Variants in DIAPH2 observed in about 807,000 individuals in gnomAD.
DIAPH2 encodes the protein protein diaphanous homolog 2.
DIAPH2 carries 35 observed loss-of-function variants against 92.7 expected under a neutral mutation model. The ratio of observed to expected loss-of-function variants is 0.38; its 90% CI spans 0.29 to 0.50. DIAPH2 has a LOEUF of 0.50. DIAPH2 is among the 20% of genes least tolerant of loss of function. The probability of loss-of-function intolerance (pLI) is 0.94; values close to 1 mark genes in which losing one functional copy is unlikely to be tolerated. For synonymous variants in DIAPH2, 301 were observed against 280.4 expected, an observed-to-expected ratio of 1.07 and a Z score of -0.73; for missense variants, 701 against 819.5, an observed-to-expected ratio of 0.86 and a Z score of 1.77.
intron 1 of DIAPH2, among the ~76,000 whole-genome samples, chrX:96,717,820 A>G (rs1157760993): frequency 3.6e-4 from 5 of 14,075 alleles, no homozygotes; most frequent in East Asian, 5.6e-3. Flanking sequence ...TATATAGTAT[A>G]TATATATATA....
chrX:97,181,434 G>A (rs2067538650), intron 22 of DIAPH2, among the ~76,000 whole-genome samples: 2 of 110,936 alleles, frequency 1.8e-5, no homozygotes, highest in Admixed American at 9.6e-5. Flanking sequence ...TCTTTGAGAC[G>A]GAGTTTTGCT....
At chrX:97,419,995 G>A (rs2069991286) in intron 25 of DIAPH2, among the ~76,000 whole-genome samples, 2 of 111,033 alleles carry the variant, frequency 1.8e-5, no homozygotes, top group Non-Finnish European at 3.8e-5. Flanking sequence ...TTAAAATATC[G>A]AATGTGAGAT....
Position 97,577,782 on chromosome X carries a change from T to G in DIAPH2, c.3242-21471T>G, listed in dbSNP as rs764804376. On this transcript the variant is annotated intron_variant, in intron 26 of 26. Transcript: ENST00000324765. The stretch of plus-strand genomic sequence containing the variant: ...ACAATTTTTAAAAACCCAGAAAATA[T>G]GTACTCCATGAATCTCTCCTGTACT... Among the ~76,000 whole-genome samples, 14 of 112,001 alleles carry G rather than the reference T, an allele frequency of 1.2e-4. No homozygotes were observed. In the South Asian group the frequency reaches 4.1e-3, roughly 33 times the overall value.
intron 26 of DIAPH2, among the ~76,000 whole-genome samples, chrX:97,573,389 G>A (rs1206791900): frequency 9.0e-6 from 1 of 111,017 alleles, no homozygotes; most frequent in Non-Finnish European, 1.9e-5. Flanking sequence ...ATGTATGTTG[G>A]TGCCCTATCC....
At chrX:97,072,086 G>A (rs1475009194) in intron 17 of DIAPH2, among the ~76,000 whole-genome samples, 1 of 111,558 alleles carries the variant, frequency 9.0e-6, no homozygotes, top group South Asian at 3.8e-4. Context: ...TGAGTACAAT[G>A]GTAGCTGTAA....
At chrX:97,540,036 C>G (rs945888722) in intron 26 of DIAPH2, among the ~76,000 whole-genome samples, 3 of 111,562 alleles carry the variant, frequency 2.7e-5, no homozygotes, top group Non-Finnish European at 3.8e-5. Context: ...TTTTGCTTTC[C>G]AGAAGCATTA....
intron 22 of DIAPH2, among the ~76,000 whole-genome samples, chrX:97,196,211 CACAT>C (rs1366982165): frequency 3.8e-4 from 29 of 76,020 alleles, no homozygotes; most frequent in African/African-American, 1.5e-3. Flanking sequence ...CATACACACA[CACAT>C]ACATACACAC....
intron 22 of DIAPH2, among the ~76,000 whole-genome samples, chrX:97,228,142 C>G (rs1278503510): frequency 9.0e-6 from 1 of 111,699 alleles, no homozygotes; most frequent in Non-Finnish European, 1.9e-5. Context: ...CTCAAGCGAT[C>G]CCCCCGCCTC....
chrX:96,818,748 T>G (rs2064757511), intron 4 of DIAPH2, among the ~76,000 whole-genome samples: 1 of 112,404 alleles, frequency 8.9e-6, no homozygotes, highest in Admixed American at 9.4e-5. Context: ...GATTTTACAT[T>G]AACTGAATAA....
intron 17 of DIAPH2, among the ~76,000 whole-genome samples, chrX:97,011,129 T>C (rs1247800114): frequency 8.9e-6 from 1 of 112,558 alleles, no homozygotes; most frequent in Non-Finnish European, 1.9e-5. Flanking sequence ...TACGTGTATA[T>C]GTTCCTGTTA....
At chrX:97,192,164 C>T (rs1032491687) in intron 22 of DIAPH2, among the ~76,000 whole-genome samples, 2 of 108,346 alleles carry the variant, frequency 1.8e-5, no homozygotes, top group Non-Finnish European at 3.8e-5. Flanking sequence ...GTGGCTCGCA[C>T]CTGTAGGTGC....
chrX:97,020,815 T>C (rs1294447486), intron 17 of DIAPH2, among the ~76,000 whole-genome samples: 1 of 111,792 alleles, frequency 8.9e-6, no homozygotes, highest in Admixed American at 9.5e-5. Context: ...TTAAAACTTA[T>C]GAATTGTTTA....
At chrX:96,901,532 GTTTTTTTTT>G (rs369526046) in intron 5 of DIAPH2, among the ~76,000 whole-genome samples, 36 of 33,095 alleles carry the variant, frequency 1.1e-3, no homozygotes, top group African/African-American at 3.5e-3. Context: ...TTTTCTTTCT[GTTTTTTTTT>G]TTTTTTTTTT....
intron 25 of DIAPH2, among the ~76,000 whole-genome samples, chrX:97,427,321 A>G (rs1405548519): frequency 8.9e-6 from 1 of 111,779 alleles, no homozygotes; most frequent in Non-Finnish European, 1.9e-5. Context: ...TTCAAGCCCC[A>G]TATCATAGAA....
At chrX:96,938,985 C>G (rs1954085345) in intron 11 of DIAPH2, among the ~76,000 whole-genome samples, 1 of 111,468 alleles carries the variant, frequency 9.0e-6, no homozygotes, top group African/African-American at 3.3e-5. Flanking sequence ...ATGGTACCAG[C>G]TATAATCTGG....
At chrX:97,263,556 G>GTTAGTTAT (rs1556012994) in intron 23 of DIAPH2, among the ~76,000 whole-genome samples, 1 of 98,040 alleles carries the variant, frequency 1.0e-5, no homozygotes, top group Non-Finnish European at 2.0e-5. Context: ...TGTTCCAACT[G>GTTAGTTAT]TTATTTATTT....
At chrX:97,497,820 C>T (rs969439845) in intron 26 of DIAPH2, among the ~76,000 whole-genome samples, 3 of 110,589 alleles carry the variant, frequency 2.7e-5, no homozygotes, top group Non-Finnish European at 5.7e-5. Context: ...AAAGAAATTG[C>T]GGGCCAAAGT....
chrX:96,889,845 G>A (rs2065295290), intron 5 of DIAPH2, among the ~76,000 whole-genome samples: 1 of 111,978 alleles, frequency 8.9e-6, no homozygotes, highest in African/African-American at 3.3e-5. Context: ...ACGGAAAACA[G>A]CAACAGCAAA....
At chrX:96,929,456 T>A (rs755233872) in intron 9 of DIAPH2, among the ~76,000 whole-genome samples, 1 of 111,268 alleles carries the variant, frequency 9.0e-6, no homozygotes, top group Non-Finnish European at 1.9e-5. Flanking sequence ...GAAACAACCT[T>A]AATCAGCCCT....
Sources: allele counts gnomAD v4.1 joint callset (sites outside exome capture counted in the v4.1 genomes callset), GRCh38; gene constraint gnomAD v4.1.1; transcripts MANE v1.5; gene names NCBI Gene and HGNC (gene_info 2026-07-23, HGNC 2026-07-21).